Variants in ANKRD10 observed in about 807,000 individuals in gnomAD.
ANKRD10 encodes the protein ankyrin repeat domain-containing protein 10.
In ANKRD10, 14 loss-of-function variants were observed where a neutral mutation model predicts 27.0. The observed-to-expected ratio is 0.52, with a 90% CI of 0.34 to 0.81. ANKRD10 has a LOEUF of 0.81. Among genes scored for constraint, ANKRD10 ranks in the 40% least tolerant of loss-of-function variants. ANKRD10 has a pLI of 0.01. For missense variants in ANKRD10, 493 were observed against 544.0 expected (o/e 0.91, Z 0.93); for synonymous variants, 250 against 224.5 (o/e 1.11, Z -1.01).
intron 3 of ANKRD10, chr13:110,900,710 A>G: frequency 7.4e-7 from 1 of 1,346,076 alleles, no homozygotes; most frequent in South Asian, 1.1e-5. Flanking sequence ...AAACATTGAC[A>G]TGTGTAGTTT....
intron 3 of ANKRD10, among the ~76,000 whole-genome samples, chr13:110,898,773 G>A (rs1339971788): frequency 1.8e-5 from 1 of 54,370 alleles, no homozygotes; most frequent in Admixed American, 2.0e-4. Context: ...TTTTTTTTTT[G>A]AGACGGAGTT....
intron 3 of ANKRD10, among the ~76,000 whole-genome samples, chr13:110,895,987 G>A (rs1485627973): frequency 6.6e-6 from 1 of 152,150 alleles, no homozygotes; most frequent in Non-Finnish European, 1.5e-5. Context: ...TACTTTACTA[G>A]AAGAGCTCAA....
chr13:110,893,097 C>T lies in ANKRD10; in HGVS notation c.622G>A (p.Val208Met). Residue 208 changes from valine to methionine, a missense_variant, in exon 4 of 6, where the codon GTG (valine) becomes ATG (methionine). Transcript: ENST00000267339. ...HQNVFPNHIS[V>M]GTNRKRCLED... The stretch of plus-strand genomic sequence containing the variant: ...AAGCATCTCTTTCGATTTGTTCCCA[C>T]ACTAATATGATTAGGAAATACATTC... 2 of 1,614,228 alleles carry T rather than the reference C, an allele frequency of 1.2e-6. No homozygotes were observed. The highest frequency in any genetic ancestry group is 1.7e-6 in the Non-Finnish European group (2 of 1,180,038).
chr13:110,914,573 G>C, intron 1 of ANKRD10, 152 bp downstream of exon 1: 6 of 1,103,600 alleles, frequency 5.4e-6, no homozygotes, highest in Non-Finnish European at 7.0e-6. Flanking sequence ...CTGCCGCACA[G>C]GCGCCCTAGG....
chr13:110,880,280 T>C (rs2064788588), intron 5 of ANKRD10, among the ~76,000 whole-genome samples, 168 bp from the exon 6 acceptor site: 1 of 152,224 alleles, frequency 6.6e-6, no homozygotes, highest in Non-Finnish European at 1.5e-5. Flanking sequence ...AGACTTACTA[T>C]TAAAACGTTA....
At position 110,910,618 on chromosome 13, in the gene ANKRD10, C is replaced by T. The variant is rs548394085; in HGVS notation, c.363G>A (p.Pro121=). The T allele has an allele frequency of 1.9e-6, 3 of 1,613,628 alleles. No homozygotes were observed. Among genetic ancestry groups the T allele is most frequent in the South Asian group, 1.1e-5 (1 of 90,954 alleles). ...CCAAGTCCATCACCAGCACTCTTAC[C>T]GGTTTGTTAATGTTGGCTCCTGCTT... The part of the protein sequence containing the change: ...LIQAGANINK[P]DCEGETPIHK... The change falls in exon 2 of 6, where the codon CCG becomes CCA. Residue 121 remains proline, a splice_region_variant and synonymous_variant. Transcript: ENST00000267339.
chr13:110,899,577 TA>T (rs1341978670), intron 3 of ANKRD10, among the ~76,000 whole-genome samples: 2 of 152,192 alleles, frequency 1.3e-5, no homozygotes, highest in African/African-American at 4.8e-5. Context: ...TAACTTTCTT[TA>T]AAAGAAACTC....
At chr13:110,888,976 T>C (rs2065006027) in intron 4 of ANKRD10, among the ~76,000 whole-genome samples, 1 of 152,198 alleles carries the variant, frequency 6.6e-6, no homozygotes, top group African/African-American at 2.4e-5. Context: ...GGTCAGTTTT[T>C]AAACTCACTG....
At position 110,879,354 on chromosome 13, in the gene ANKRD10, G is replaced by C. The variant is rs536823941; in HGVS notation, c.*283C>G. Reference sequence around the variant, plus strand: ...ACAAAAAGAAAAATGGCAATATCTGGTGACAGTATTAAAAAGACAATGTTG... The same window carrying C: ...ACAAAAAGAAAAATGGCAATATCTGCTGACAGTATTAAAAAGACAATGTTG... On this transcript the variant is annotated 3_prime_UTR_variant, in exon 6 of 6. Transcript: ENST00000267339. The C allele has an allele frequency of 1.1e-5, 4 of 367,480 alleles. No homozygotes were observed. The highest frequency in any genetic ancestry group is 2.0e-5 in the Non-Finnish European group (4 of 201,248). The allele number at this position is 367,480 out of a possible 1,614,324, so 22.8% of individuals were successfully genotyped here. A position where few individuals can be genotyped will look rare whatever the true frequency, so the allele number is the denominator to read the frequency against.
At position 110,910,530 on chromosome 13, in the gene ANKRD10, A is replaced by C. The variant is rs2065665662; in HGVS notation, c.363+88T>G. The C allele has an allele frequency of 4.7e-6, 7 of 1,493,854 alleles. No homozygotes were observed. The East Asian group carries it at 1.6e-4, about 34-fold the overall frequency. The allele number at this position is 1,493,854 out of a possible 1,614,324, so 92.5% of individuals were successfully genotyped here. A position where few individuals can be genotyped will look rare whatever the true frequency, so the allele number is the denominator to read the frequency against. On this transcript the variant is annotated intron_variant, in intron 2 of 5. Transcript: ENST00000267339. Reference sequence around the variant, plus strand: ...AGGTAAAGATATCAAACTCTAATTAAGGCCTCGATTTAAAGCAATACCGTG... The same window carrying C: ...AGGTAAAGATATCAAACTCTAATTACGGCCTCGATTTAAAGCAATACCGTG...
At chr13:110,898,608 C>T (rs2065291798) in intron 3 of ANKRD10, among the ~76,000 whole-genome samples, 1 of 152,122 alleles carries the variant, frequency 6.6e-6, no homozygotes, top group Non-Finnish European at 1.5e-5. Context: ...TCACTCCCAT[C>T]ACCCAGGCTG....
intron 4 of ANKRD10, among the ~76,000 whole-genome samples, chr13:110,886,822 CTTAATA>C (rs1362942563): frequency 9.8e-5 from 15 of 152,312 alleles, no homozygotes; most frequent in Middle Eastern, 6.8e-3. Context: ...ACTTTCCTAT[CTTAATA>C]TTGATTCTTA....
intron 3 of ANKRD10, among the ~76,000 whole-genome samples, chr13:110,895,884 A>G (rs1316438127): frequency 6.6e-6 from 1 of 152,204 alleles, no homozygotes; most frequent in African/African-American, 2.4e-5. Flanking sequence ...CTCCCACTTC[A>G]CTTTTTCCCC....
intron 3 of ANKRD10, chr13:110,903,885 G>C (rs2065454374): frequency 6.6e-6 from 1 of 152,060 alleles, no homozygotes. Flanking sequence ...TTAAAAAAAA[G>C]AAACGGTTAT....
At chr13:110,889,201 T>C (rs546122342) in intron 4 of ANKRD10, among the ~76,000 whole-genome samples, 1 of 152,338 alleles carries the variant, frequency 6.6e-6, no homozygotes, top group East Asian at 1.9e-4. Context: ...AACTGAGTTT[T>C]ATACAGTGGT....
intron 4 of ANKRD10, among the ~76,000 whole-genome samples, chr13:110,884,129 ATTTT>A (rs139772122): frequency 6.6e-6 from 1 of 151,490 alleles, no homozygotes; most frequent in Non-Finnish European, 1.5e-5. Context: ...AATTCAGCAG[ATTTT>A]TTTTTAATAC....
chr13:110,887,577 T>TA (rs2064965746), intron 4 of ANKRD10, among the ~76,000 whole-genome samples: 1 of 152,234 alleles, frequency 6.6e-6, no homozygotes, highest in South Asian at 2.1e-4. Flanking sequence ...CTTTGGGATA[T>TA]GAAGTGCTCC....
chr13:110,892,725 A>C (rs190753698), intron 4 of ANKRD10: 1 of 1,032,598 alleles, frequency 9.7e-7, no homozygotes, highest in Admixed American at 5.5e-5. Context: ...TTTAATAGAT[A>C]TATTTCAAAC....
chr13:110,892,023 T>C (rs1341363397), intron 4 of ANKRD10, among the ~76,000 whole-genome samples: 1 of 151,570 alleles, frequency 6.6e-6, no homozygotes, highest in African/African-American at 2.4e-5. Flanking sequence ...TAAGACATCT[T>C]ATATATAGAT....
Sources: allele counts gnomAD v4.1 joint callset (sites outside exome capture counted in the v4.1 genomes callset), GRCh38; gene constraint gnomAD v4.1.1; transcripts MANE v1.5; gene names NCBI Gene and HGNC (gene_info 2026-07-23, HGNC 2026-07-21).